The following CRADD variants were observed in gnomAD, a reference collection of about 807,000 sequenced individuals.
CRADD encodes CARD and death domain containing adaptor protein, also known as death domain-containing protein CRADD.
A neutral mutation model predicts 15.5 loss-of-function variants in CRADD; 9 were observed. The observed-to-expected ratio is 0.58, with a 90% CI of 0.35 to 1.01. The LOEUF (loss-of-function observed/expected upper bound fraction) is 1.01. Ranked by LOEUF, CRADD falls within the 50% of genes least tolerant of loss-of-function variation. The pLI is 0.02. For missense variants in CRADD, 227 were observed against 250.3 expected (o/e 0.91, Z 0.63); for synonymous variants, 118 against 107.6 (o/e 1.10, Z -0.60).
At chr12:93,699,589 T>G (rs7957544) in intron 2 of CRADD, among the ~76,000 whole-genome samples, 3,467 of 152,316 alleles carry the variant, frequency 0.023, 89 homozygotes, top group East Asian at 0.086. Context: ...CCCCACCTTG[T>G]CTTTGTTTTC....
At chr12:93,857,271 C>T (rs1243163102) in intron 2 of CRADD, among the ~76,000 whole-genome samples, 2 of 151,930 alleles carry the variant, frequency 1.3e-5, no homozygotes, top group African/African-American at 4.8e-5. Flanking sequence ...AAATATAAAA[C>T]GGATTGGATT....
At chr12:93,776,052 T>C (rs943183595) in intron 2 of CRADD, among the ~76,000 whole-genome samples, 8 of 152,190 alleles carry the variant, frequency 5.3e-5, no homozygotes, top group African/African-American at 1.4e-4. Flanking sequence ...ATATGGACAT[T>C]CAAGCACACA....
chr12:93,849,932 C>A (rs374479198), intron 2 of CRADD, 38 bp from the exon 3 acceptor site: 15 of 1,229,904 alleles, frequency 1.2e-5, no homozygotes, highest in Non-Finnish European at 1.8e-5. Flanking sequence ...GTGTTTGTTG[C>A]CTTGCTCATT....
chr12:93,838,264 A>G (rs548843327), intron 2 of CRADD, among the ~76,000 whole-genome samples: 15 of 148,198 alleles, frequency 1.0e-4, no homozygotes, highest in African/African-American at 3.5e-4. Flanking sequence ...TCTCAGCCAA[A>G]GGGATTTTTC....
chr12:93,796,206 A>G (rs1275396677), intron 2 of CRADD, among the ~76,000 whole-genome samples: 3 of 152,102 alleles, frequency 2.0e-5, no homozygotes, highest in Non-Finnish European at 4.4e-5. Context: ...AGCCATTGGG[A>G]AATTTTTTCT....
intron 2 of CRADD, among the ~76,000 whole-genome samples, chr12:93,739,984 G>A (rs1956643526): frequency 6.6e-6 from 1 of 152,024 alleles, no homozygotes; most frequent in Admixed American, 6.6e-5. Flanking sequence ...CCTAACTTTA[G>A]AAGACATTTA....
At chr12:93,695,500 G>C (rs1299249583) in intron 2 of CRADD, among the ~76,000 whole-genome samples, 1 of 152,128 alleles carries the variant, frequency 6.6e-6, no homozygotes, top group Non-Finnish European at 1.5e-5. Context: ...GAGTAAAGAA[G>C]TAACCTATGG....
At chr12:93,811,548 A>G (rs1054684242) in intron 2 of CRADD, among the ~76,000 whole-genome samples, 7 of 152,252 alleles carry the variant, frequency 4.6e-5, no homozygotes, top group Non-Finnish European at 8.8e-5. Flanking sequence ...ATCAACCCAA[A>G]TTTGAATCTC....
At chr12:93,871,312 C>A (rs535358393) in intron 2 of CRADD, among the ~76,000 whole-genome samples, 18 of 152,132 alleles carry the variant, frequency 1.2e-4, no homozygotes, top group Non-Finnish European at 2.4e-4. Context: ...TAAATGGAAA[C>A]ATTTTTTTAA....
chr12:93,884,042 C>T (rs1958519873), intron 2 of CRADD, among the ~76,000 whole-genome samples: 1 of 152,064 alleles, frequency 6.6e-6, no homozygotes, highest in African/African-American at 2.4e-5. Flanking sequence ...GCACTTCTGC[C>T]ATAGTTTTTT....
At chr12:93,710,345 CTTTTTTTTTTT>C (rs34912218) in intron 2 of CRADD, among the ~76,000 whole-genome samples, 1 of 128,290 alleles carries the variant, frequency 7.8e-6, no homozygotes, top group African/African-American at 2.9e-5. Flanking sequence ...TTTCCTTTTC[CTTTTTTTTTTT>C]TTTTTTTGAG....
In CRADD at chr12:93,695,867, A is replaced by G. The variant is rs551485066; in HGVS notation, c.298+16795A>G. ...GCCAAGATTGAGATTGTGCCACTGC[A>G]CTCCAGCCTTGGTAACAAGAGCAAA... On this transcript the variant is annotated intron_variant, in intron 2 of 2. Transcript: ENST00000332896. 1.8e-4 allele frequency among the ~76,000 whole-genome samples: 27 copies of G among 152,318 alleles called. No individual in the cohort carries two copies. The South Asian group carries it at 5.6e-3, about 32-fold the overall frequency.
At chr12:93,724,841 C>CTTATTATTA (rs543856034) in intron 2 of CRADD, among the ~76,000 whole-genome samples, 1 of 151,164 alleles carries the variant, frequency 6.6e-6, no homozygotes, top group African/African-American at 2.4e-5. Flanking sequence ...AAAGAACAGA[C>CTTATTATTA]TTATTATTAT....
intron 1 of CRADD, chr12:93,678,048 G>GA (rs1452081235): frequency 2.0e-5 from 3 of 152,224 alleles, no homozygotes; most frequent in Non-Finnish European, 2.9e-5. Context: ...TTTTTTGAAA[G>GA]AAAAAAATCC....
chr12:93,877,926 G>A (rs974715112), intron 2 of CRADD, among the ~76,000 whole-genome samples: 1 of 151,998 alleles, frequency 6.6e-6, no homozygotes, highest in Non-Finnish European at 1.5e-5. Flanking sequence ...AAGGAGTTTT[G>A]TCCCACAGCC....
intron 2 of CRADD, among the ~76,000 whole-genome samples, chr12:93,794,930 TA>T (rs1334097710): frequency 2.0e-5 from 3 of 152,196 alleles, no homozygotes; most frequent in Non-Finnish European, 4.4e-5. Context: ...CAGATCACCA[TA>T]AGGCTGGCTT....
At chr12:93,764,608 A>C (rs1298828438) in intron 2 of CRADD, among the ~76,000 whole-genome samples, 1 of 147,802 alleles carries the variant, frequency 6.8e-6, no homozygotes, top group Non-Finnish European at 1.5e-5. Flanking sequence ...TGGGTGGGGG[A>C]GGGTTTAAGA....
chr12:93,821,239 G>A (rs1393139196), intron 2 of CRADD, among the ~76,000 whole-genome samples: 3 of 152,354 alleles, frequency 2.0e-5, no homozygotes, highest in Non-Finnish European at 2.9e-5. Context: ...GATGGGGCAT[G>A]CCTGCCCCAG....
intron 2 of CRADD, among the ~76,000 whole-genome samples, chr12:93,705,612 C>T (rs188053181): frequency 1.3e-5 from 2 of 152,308 alleles, no homozygotes; most frequent in East Asian, 3.9e-4. Flanking sequence ...TGTGGTTTGA[C>T]ATTTAATCAG....
Sources: gnomAD v4.1 joint callset for allele counts (sites outside exome capture counted in the v4.1 genomes callset) on GRCh38, gnomAD v4.1.1 for gene constraint, MANE v1.5 for transcripts, NCBI Gene and HGNC (gene_info 2026-07-23, HGNC 2026-07-21) for gene names.